Variants in SCARB2 observed in about 807,000 individuals in gnomAD.
SCARB2 encodes the protein lysosome membrane protein 2.
A neutral mutation model predicts 58.6 loss-of-function variants in SCARB2; 29 were observed. The ratio of observed to expected loss-of-function variants is 0.49; its 90% CI spans 0.37 to 0.67. The LOEUF is 0.67. SCARB2 is among the 30% of genes least tolerant of loss of function. The pLI, the probability that SCARB2 is intolerant of heterozygous loss-of-function variation, is 0.00. For synonymous variants in SCARB2, 195 were observed against 210.1 expected (o/e 0.93, Z 0.62); for missense variants, 488 against 578.5 (o/e 0.84, Z 1.60).
chr4:76,171,020 C>T lies in SCARB2; in HGVS notation c.995-1035G>A, dbSNP rs1732119432. 4.0e-5 allele frequency among the ~76,000 whole-genome samples: 6 copies of T among 149,890 alleles called. No homozygotes were observed. In the South Asian group the frequency reaches 1.3e-3, roughly 32 times the overall value. ...TAAAGGAAACCTATTCTAGATCTGG[C>T]TATTGAAAAGAAGAGAGGGACCCAA... On this transcript the variant is annotated intron_variant, in intron 7 of 11. Coordinates refer to ENST00000264896, the MANE Select transcript of SCARB2 (RefSeq NM_005506.4).
chr4:76,218,693 C>T (rs1733256478), upstream of SCARB2, among the ~76,000 whole-genome samples: 1 of 152,162 alleles, frequency 6.6e-6, no homozygotes, highest in Non-Finnish European at 1.5e-5. Context: ...TATTGAAACA[C>T]GGAACTAGGA....
intron 6 of SCARB2, 77 bp downstream of exon 6, chr4:76,175,712 CAT>C: frequency 6.6e-7 from 1 of 1,521,100 alleles, no homozygotes; most frequent in South Asian, 1.1e-5. Context: ...AGTGTGTCTG[CAT>C]ATATTCCTCA....
At position 76,180,503 on chromosome 4, in the gene SCARB2, C is replaced by A. The variant is rs1732360098; in HGVS notation, c.423+451G>T. 2 of 154,774 alleles carry A rather than the reference C, an allele frequency of 1.3e-5. 1 individual carries two copies. The highest frequency in any genetic ancestry group is 2.9e-5 in the Non-Finnish European group (2 of 69,886). 9.6% of individuals were successfully genotyped at this position (154,774 alleles called of 1,614,324 possible). On this transcript the variant is annotated intron_variant, in intron 3 of 11. Coordinates refer to ENST00000264896, the MANE Select transcript of SCARB2 (RefSeq NM_005506.4). Reference sequence around the variant, plus strand: ...AGCCCACTGAAATCACAGTAGGCTGCCAGTCTATTGATTTCTGGTGTCAAT... The same window carrying A: ...AGCCCACTGAAATCACAGTAGGCTGACAGTCTATTGATTTCTGGTGTCAAT...
At chr4:76,224,306 C>T (rs554543337) in intron 1 of SCARB2, among the ~76,000 whole-genome samples, 1 of 152,286 alleles carries the variant, frequency 6.6e-6, no homozygotes, top group African/African-American at 2.4e-5. Context: ...AATAAAACTT[C>T]TCATATCTTT....
At chr4:76,161,942 G>T in intron 11 of SCARB2, 191 bp from the exon 12 acceptor site, 1 of 648,912 alleles carries the variant, frequency 1.5e-6, no homozygotes, top group Non-Finnish European at 2.8e-6. Context: ...TTTCCAGGAG[G>T]CCTTCTCTGA....
chr4:76,189,011 G>A (rs774882956), intron 2 of SCARB2, among the ~76,000 whole-genome samples: 1 of 152,116 alleles, frequency 6.6e-6, no homozygotes, highest in East Asian at 1.9e-4. Context: ...AAGTAACTGC[G>A]TTTTTTGTCA....
chr4:76,189,619 AC>A (rs1732561394), intron 2 of SCARB2, among the ~76,000 whole-genome samples: 2 of 151,592 alleles, frequency 1.3e-5, no homozygotes, highest in African/African-American at 2.4e-5. Context: ...GTGCCACCAC[AC>A]CCAGCTAATT....
chr4:76,208,425 T>G (rs1732972119), intron 1 of SCARB2, among the ~76,000 whole-genome samples: 1 of 152,238 alleles, frequency 6.6e-6, no homozygotes, highest in African/African-American at 2.4e-5. Flanking sequence ...CTATAGTTTC[T>G]TCCTGTGCTG....
At position 76,159,319 on chromosome 4, in the gene SCARB2, A is replaced by C. The variant is rs1300734481; in HGVS notation, c.*2394T>G. On this transcript the variant is annotated 3_prime_UTR_variant, in exon 12 of 12. Transcript: ENST00000264896. ...TAATTCATCTTCAACTTAAAGCCAA[A>C]TAGGTGCATTCATTCCTCTTAATCT... 1 of 152,250 alleles carries C rather than the reference A, an allele frequency of 6.6e-6. No homozygotes were observed. The highest frequency in any genetic ancestry group is 1.5e-5 in the Non-Finnish European group (1 of 68,046). 9.4% of individuals were successfully genotyped at this position (152,250 alleles called of 1,614,324 possible). A position where few individuals can be genotyped will look rare whatever the true frequency, so the allele number is the denominator to read the frequency against.
At chr4:76,213,855 G>T (rs958788731), upstream of SCARB2, 12 of 198,028 alleles carry the variant, frequency 6.1e-5, no homozygotes, top group Non-Finnish European at 1.1e-4. Flanking sequence ...TGACGTTCGC[G>T]GGCCGGGCTC....
intron 6 of SCARB2, chr4:76,175,582 G>T: frequency 1.6e-6 from 1 of 610,260 alleles, no homozygotes; most frequent in Non-Finnish European, 2.8e-6. Flanking sequence ...ACAGCTATAA[G>T]TGGTAGAGCC....
At chr4:76,213,375 G>A (rs1234007033) in intron 1 of SCARB2, 52 bp downstream of exon 1, 40 of 1,223,370 alleles carry the variant, frequency 3.3e-5, no homozygotes, top group Non-Finnish European at 4.7e-5. Flanking sequence ...AGCAGGGATG[G>A]GAGGGTGAGC....
intron 1 of SCARB2, among the ~76,000 whole-genome samples, chr4:76,197,516 T>TCAAACTGCAACCA (rs1419775529): frequency 0.023 from 3,495 of 152,306 alleles, 121 homozygotes; most frequent in African/African-American, 0.08. Context: ...CCAGCTGAGC[T>TCAAACTGCAACCA]GGCTGCACAC....
At chr4:76,222,191 A>C (rs1250109652) in intron 1 of SCARB2, among the ~76,000 whole-genome samples, 2 of 152,108 alleles carry the variant, frequency 1.3e-5, no homozygotes, top group Non-Finnish European at 2.9e-5. Flanking sequence ...TCCAGTGTCC[A>C]ATTCATGAAC....
chr4:76,184,803 T>TTTA (rs1732454102), intron 2 of SCARB2: 1 of 339,414 alleles, frequency 2.9e-6, no homozygotes, highest in Non-Finnish European at 5.4e-6. Flanking sequence ...AAAAAAATTT[T>TTTA]AATTTAAAAA....
intron 3 of SCARB2, 90 bp from the exon 4 acceptor site, chr4:76,179,795 G>T: frequency 1.0e-6 from 1 of 991,806 alleles, no homozygotes; most frequent in Non-Finnish European, 1.6e-6. Context: ...AAGGGGGTTG[G>T]AAATATAAAT....
intron 5 of SCARB2, 82 bp downstream of exon 5, chr4:76,176,355 C>T: frequency 1.1e-6 from 1 of 939,060 alleles, no homozygotes. Flanking sequence ...AGGCTAAACA[C>T]ATTTTTAAGC....
At chr4:76,227,795 T>C (rs886849136) in intron 1 of SCARB2, among the ~76,000 whole-genome samples, 2 of 152,234 alleles carry the variant, frequency 1.3e-5, no homozygotes, top group African/African-American at 4.8e-5. Context: ...CTCTTTGTCT[T>C]TTCTAACTGT....
At chr4:76,184,649 A>G (rs926741414) in intron 2 of SCARB2, 5 of 233,162 alleles carry the variant, frequency 2.1e-5, no homozygotes, top group Admixed American at 1.6e-4. Flanking sequence ...AGGCGTGGTG[A>G]CATGTACCTG....
Sources: gnomAD v4.1 joint callset for allele counts (sites outside exome capture counted in the v4.1 genomes callset) on GRCh38, gnomAD v4.1.1 for gene constraint, MANE v1.5 for transcripts, NCBI Gene and HGNC (gene_info 2026-07-23, HGNC 2026-07-21) for gene names.